MCCC1: variants seen among roughly 807,000 people sequenced by gnomAD.
MCCC1 encodes methylcrotonyl-CoA carboxylase subunit 1, also known as methylcrotonoyl-CoA carboxylase subunit alpha, mitochondrial.
A neutral mutation model predicts 83.8 loss-of-function variants in MCCC1; 64 were observed. The observed-to-expected ratio is 0.76, with a 90% CI of 0.62 to 0.94. MCCC1 has a LOEUF of 0.94. MCCC1 is among the 40% of genes least tolerant of loss of function. The pLI, the probability that MCCC1 is intolerant of heterozygous loss-of-function variation, is 0.00. For missense variants in MCCC1, 807 were observed against 904.7 expected (o/e 0.89, Z 1.39); for synonymous variants, 322 against 315.4 (o/e 1.02, Z -0.22).
chr3:183,021,053 C>T (rs1048029839), intron 16 of MCCC1, among the ~76,000 whole-genome samples: 2 of 152,140 alleles, frequency 1.3e-5, no homozygotes, highest in Non-Finnish European at 2.9e-5. Flanking sequence ...GAGCAAGACT[C>T]CATCTCAAAA....
intron 7 of MCCC1, among the ~76,000 whole-genome samples, chr3:183,062,943 C>T (rs939041861): frequency 3.3e-5 from 5 of 152,024 alleles, no homozygotes; most frequent in South Asian, 2.1e-4. Context: ...CTATCATGAG[C>T]GCCTTGATAT....
chr3:183,022,934 TG>T (rs139611323), intron 15 of MCCC1, among the ~76,000 whole-genome samples: 132 of 152,350 alleles, frequency 8.7e-4, no homozygotes, highest in African/African-American at 3.1e-3. Context: ...AACTTATTTC[TG>T]AGTATTTGAA....
chr3:183,104,227 T>C (rs893958040), upstream of MCCC1, among the ~76,000 whole-genome samples: 8 of 152,178 alleles, frequency 5.3e-5, no homozygotes, highest in African/African-American at 1.9e-4. Context: ...GCTCCTCAAG[T>C]GCCGCCAAAC....
chr3:183,033,768 T>C (rs1713278903), intron 14 of MCCC1, among the ~76,000 whole-genome samples: 2 of 152,188 alleles, frequency 1.3e-5, no homozygotes, highest in Non-Finnish European at 2.9e-5. Flanking sequence ...TTTTAGAATA[T>C]TTACAAAATT....
chr3:183,057,197 G>T, intron 8 of MCCC1, 114 bp downstream of exon 8: 2 of 848,978 alleles, frequency 2.4e-6, no homozygotes, highest in Non-Finnish European at 3.9e-6. Flanking sequence ...GGCAACAGTT[G>T]TCCAGCAGGA....
chr3:183,038,321 G>A (rs1713795121), intron 12 of MCCC1, among the ~76,000 whole-genome samples: 2 of 152,218 alleles, frequency 1.3e-5, no homozygotes, highest in African/African-American at 2.4e-5. Context: ...GTAGTCAGGA[G>A]GGAGCCCTGC....
upstream of MCCC1, among the ~76,000 whole-genome samples, chr3:183,101,038 C>A (rs527549061): frequency 1.3e-5 from 2 of 152,380 alleles, no homozygotes; most frequent in South Asian, 4.1e-4. Flanking sequence ...ACTTAGCACC[C>A]GGGCCAGTGG....
In MCCC1 at chr3:183,065,627, A is replaced by C. The variant is rs962220983; in HGVS notation, c.761+5372T>G. ...TAAAAGATTATAAGAAGGCACAGGA[A>C]TGTGGATTTTTTTTGTCTAGATTAA... On this transcript the variant is annotated intron_variant, in intron 7 of 18. Coordinates refer to ENST00000265594, the MANE Select transcript of MCCC1 (RefSeq NM_020166.5). Among the ~76,000 whole-genome samples, 12 of 33,716 alleles carry C rather than the reference A, an allele frequency of 3.6e-4. No individual in the cohort carries two copies. In the Admixed American group the frequency reaches 3.7e-3, roughly 10 times the overall value. The allele number at this position is 33,716 out of a possible 152,430, so 22.1% of individuals were successfully genotyped here.
intron 9 of MCCC1, among the ~76,000 whole-genome samples, chr3:183,049,361 A>G (rs1392886213): frequency 2.0e-5 from 3 of 152,028 alleles, no homozygotes; most frequent in African/African-American, 7.2e-5. Context: ...CAAAAGGTCA[A>G]GAGATCAAGA....
upstream of MCCC1, among the ~76,000 whole-genome samples, chr3:183,101,060 G>C (rs1267156844): frequency 6.6e-6 from 1 of 152,272 alleles, no homozygotes; most frequent in East Asian, 1.9e-4. Context: ...TGCGGAGGGT[G>C]TACTGAGTCC....
chr3:183,045,943 G>A (rs1210296760), intron 9 of MCCC1, among the ~76,000 whole-genome samples: 3 of 152,136 alleles, frequency 2.0e-5, no homozygotes, highest in African/African-American at 7.2e-5. Context: ...GGGCTCCTAG[G>A]AATTTCTTTT....
At chr3:183,075,887 T>C (rs553462215) in intron 4 of MCCC1, among the ~76,000 whole-genome samples, 1 of 152,266 alleles carries the variant, frequency 6.6e-6, no homozygotes, top group East Asian at 1.9e-4. Flanking sequence ...TGCACATCTG[T>C]TTAAGTTCCT....
At chr3:183,087,590 G>A (rs375520898) in intron 3 of MCCC1, among the ~76,000 whole-genome samples, 1 of 152,104 alleles carries the variant, frequency 6.6e-6, no homozygotes, top group Non-Finnish European at 1.5e-5. Flanking sequence ...GGATGATCAA[G>A]ACTGGCCGGG....
At chr3:183,092,653 G>A (rs936771738) in intron 2 of MCCC1, 108 bp from the exon 3 acceptor site, 41 of 1,444,392 alleles carry the variant, frequency 2.8e-5, no homozygotes, top group Non-Finnish European at 3.9e-5. Context: ...ATAAGTTCAA[G>A]GTTTTTGGTA....
At chr3:183,077,504 T>C (rs1256968894) in intron 4 of MCCC1, among the ~76,000 whole-genome samples, 1 of 152,238 alleles carries the variant, frequency 6.6e-6, no homozygotes. Flanking sequence ...TGAACATCTT[T>C]TAATGGGCTT....
At chr3:183,084,379 C>CA (rs2108549081) in intron 4 of MCCC1, among the ~76,000 whole-genome samples, 1 of 152,106 alleles carries the variant, frequency 6.6e-6, no homozygotes, top group South Asian at 2.1e-4. Context: ...GATAAATGCA[C>CA]AAACTGATAT....
chr3:183,015,348 CT>C lies in MCCC1; in HGVS notation c.*89del. On this transcript the variant is annotated 3_prime_UTR_variant, in exon 19 of 19. Transcript: ENST00000265594. The stretch of plus-strand genomic sequence containing the variant: ...CATACAATCATTTAGTAAAACTGCT[CT>C]TTATGAGACCCCCAGAAAAGCTGGA... 1 of 1,424,782 alleles carries C rather than the reference CT, an allele frequency of 7.0e-7. No individual in the cohort carries two copies. The highest frequency in any genetic ancestry group is 1.7e-5 in the Admixed American group (1 of 59,750). 88.3% of individuals were successfully genotyped at this position (1,424,782 alleles called of 1,614,324 possible). A position where few individuals can be genotyped will look rare whatever the true frequency, so the allele number is the denominator to read the frequency against.
chr3:183,054,533 G>A (rs1715269042), intron 8 of MCCC1, among the ~76,000 whole-genome samples: 1 of 152,098 alleles, frequency 6.6e-6, no homozygotes, highest in Non-Finnish European at 1.5e-5. Context: ...TGTGTTTTAA[G>A]CTAAGTATTA....
intron 15 of MCCC1, among the ~76,000 whole-genome samples, chr3:183,025,515 T>C (rs1011925360): frequency 4.6e-5 from 7 of 152,364 alleles, no homozygotes; most frequent in African/African-American, 1.4e-4. Flanking sequence ...TTTGAGCTTT[T>C]ACTTTTTGCC....
Sources: gnomAD v4.1 joint callset for allele counts (sites outside exome capture counted in the v4.1 genomes callset) on GRCh38, gnomAD v4.1.1 for gene constraint, MANE v1.5 for transcripts, NCBI Gene and HGNC (gene_info 2026-07-23, HGNC 2026-07-21) for gene names.